The following ZC3H13 variants were observed in gnomAD, a reference collection of about 807,000 sequenced individuals.
The protein encoded by ZC3H13 is zinc finger CCCH-type containing 13, also known as zinc finger CCCH domain-containing protein 13.
A neutral mutation model predicts 204.1 loss-of-function variants in ZC3H13; 64 were observed. That is an observed-to-expected ratio of 0.31 (90% CI 0.26 to 0.39). The LOEUF (loss-of-function observed/expected upper bound fraction) is 0.39, where lower values mean the gene tolerates loss of function less well. Among genes scored for constraint, ZC3H13 ranks in the 10% least tolerant of loss-of-function variants. The pLI is 1.00. For synonymous variants in ZC3H13, 667 were observed against 693.7 expected (o/e 0.96, Z 0.60); for missense variants, 1,833 against 2,082.7 (o/e 0.88, Z 2.33).
chr13:45,955,147 A>G lies in ZC3H13; in HGVS notation c.*1980T>C, dbSNP rs1222367385. 6.6e-6 allele frequency: 1 copy of G among 152,206 alleles called. No homozygotes were observed. Among genetic ancestry groups the G allele is most frequent in the East Asian group, 1.9e-4 (1 of 5,198 alleles). The allele number at this position is 152,206 out of a possible 1,614,324, so 9.4% of individuals were successfully genotyped here. A position where few individuals can be genotyped will look rare whatever the true frequency, so the allele number is the denominator to read the frequency against. ...GACCTTTTAATTGTACTAGCAAACA[A>G]TTTATAGACTGGAAGATTGTTTTTC... On this transcript the variant is annotated 3_prime_UTR_variant, in exon 19 of 19. Coordinates refer to ENST00000679008, the MANE Select transcript of ZC3H13 (RefSeq NM_001330564.2).
chr13:46,018,539 G>A (rs1207889987), intron 5 of ZC3H13, among the ~76,000 whole-genome samples: 1 of 152,052 alleles, frequency 6.6e-6, no homozygotes, highest in Non-Finnish European at 1.5e-5. Context: ...GCAGGAAGGA[G>A]GCCTCTTACA....
intron 8 of ZC3H13, among the ~76,000 whole-genome samples, chr13:45,994,214 GTA>G (rs2040170815): frequency 6.6e-6 from 1 of 152,126 alleles, no homozygotes; most frequent in Non-Finnish European, 1.5e-5. Context: ...TAACAATACA[GTA>G]TATAATACAA....
intron 8 of ZC3H13, among the ~76,000 whole-genome samples, chr13:46,002,699 T>C (rs1486876400): frequency 6.6e-6 from 1 of 152,152 alleles, no homozygotes; most frequent in Non-Finnish European, 1.5e-5. Context: ...ATTCCACTTA[T>C]ATAAGGTATC....
Position 45,968,887 on chromosome 13 carries a change from A to G in ZC3H13, c.3657T>C (p.Asp1219=), listed in dbSNP as rs752405394. The change falls in exon 14 of 19, where the codon GAT becomes GAC. Residue 1219 remains aspartate (D), a synonymous_variant. Coordinates refer to ENST00000679008, the MANE Select transcript of ZC3H13 (RefSeq NM_001330564.2). Reference sequence around the variant, plus strand: ...GTACTCTCTTTCGACCACTTTGGTCATCTCCACTTCGATGGGCTGAATCAT... The same window carrying G: ...GTACTCTCTTTCGACCACTTTGGTCGTCTCCACTTCGATGGGCTGAATCAT... ...PSNDSAHRSG[D]DQSGRKRVLH... 8.8e-5 allele frequency: 142 copies of G among 1,613,988 alleles called. 2 individuals carry two copies. In the South Asian group the frequency reaches 1.5e-3, roughly 17 times the overall value.
At chr13:46,051,407 G>C (rs1025638957) in intron 1 of ZC3H13, among the ~76,000 whole-genome samples, 3 of 152,168 alleles carry the variant, frequency 2.0e-5, no homozygotes, top group African/African-American at 7.2e-5. Context: ...CTAGTCTCTA[G>C]TTGAAACTGT....
intron 4 of ZC3H13, among the ~76,000 whole-genome samples, chr13:46,037,815 G>A (rs1484246558): frequency 1.3e-5 from 2 of 152,106 alleles, no homozygotes; most frequent in Non-Finnish European, 2.9e-5. Flanking sequence ...ATTTAACCCA[G>A]CATATCCAAA....
At chr13:46,032,579 C>G (rs955840997) in intron 4 of ZC3H13, among the ~76,000 whole-genome samples, 30 of 152,194 alleles carry the variant, frequency 2.0e-4, no homozygotes, top group African/African-American at 7.2e-4. Context: ...GGCAACAATG[C>G]AAATGTCATT....
chr13:46,023,416 A>G (rs1263091031), intron 4 of ZC3H13, among the ~76,000 whole-genome samples: 1 of 152,188 alleles, frequency 6.6e-6, no homozygotes, highest in Non-Finnish European at 1.5e-5. Flanking sequence ...CTCTGGAATT[A>G]TGCAAAACAA....
At position 45,985,777 on chromosome 13, in the gene ZC3H13, G is replaced by A. The variant is rs765171449; in HGVS notation, c.1256-16C>T. ...CCCCTAGTATCTGTAATGCAATTTTGGAAATTGACTGTAATTGCTTTTACA... is the reference window on the plus strand; with the variant it reads ...CCCCTAGTATCTGTAATGCAATTTTAGAAATTGACTGTAATTGCTTTTACA... On this transcript the variant is annotated splice_polypyrimidine_tract_variant and intron_variant, in intron 9 of 18. Coordinates refer to ENST00000679008, the MANE Select transcript of ZC3H13 (RefSeq NM_001330564.2). The A allele has an allele frequency of 2.6e-6, 4 of 1,565,886 alleles. No individual in the cohort carries two copies. In the Admixed American group the frequency reaches 8.1e-5, roughly 32 times the overall value.
At chr13:45,974,399 G>A (rs551136073) in intron 12 of ZC3H13, among the ~76,000 whole-genome samples, 1 of 152,302 alleles carries the variant, frequency 6.6e-6, no homozygotes, top group South Asian at 2.1e-4. Context: ...GGAAACTGGA[G>A]AGATGGAAAC....
At chr13:46,023,206 A>T (rs2042327235) in intron 4 of ZC3H13, among the ~76,000 whole-genome samples, 1 of 152,182 alleles carries the variant, frequency 6.6e-6, no homozygotes, top group Non-Finnish European at 1.5e-5. Context: ...ATTTTCCACA[A>T]TATTTGTATA....
intron 1 of ZC3H13, among the ~76,000 whole-genome samples, chr13:46,050,812 C>A (rs931139482): frequency 9.7e-6 from 1 of 103,076 alleles, no homozygotes; most frequent in Non-Finnish European, 1.9e-5. Flanking sequence ...GCAGAAAAAA[C>A]AATTTGTTAA....
At chr13:46,017,660 G>A (rs1326155909) in intron 5 of ZC3H13, among the ~76,000 whole-genome samples, 1 of 151,910 alleles carries the variant, frequency 6.6e-6, no homozygotes, top group Non-Finnish European at 1.5e-5. Flanking sequence ...GTTATTTGGG[G>A]GTTCTGAAAA....
intron 4 of ZC3H13, among the ~76,000 whole-genome samples, chr13:46,041,854 G>A (rs1439578538): frequency 6.6e-6 from 1 of 152,060 alleles, no homozygotes; most frequent in Non-Finnish European, 1.5e-5. Flanking sequence ...ATGGCTGGCT[G>A]AATTCTGAAA....
At chr13:46,019,468 T>A (rs1028688944) in intron 5 of ZC3H13, among the ~76,000 whole-genome samples, 2 of 152,278 alleles carry the variant, frequency 1.3e-5, no homozygotes, top group African/African-American at 4.8e-5. Context: ...TTTAGTTTTG[T>A]CATCTGTAAG....
intron 12 of ZC3H13, among the ~76,000 whole-genome samples, chr13:45,973,809 T>A (rs1952788570): frequency 1.3e-5 from 2 of 152,182 alleles, no homozygotes; most frequent in African/African-American, 4.8e-5. Flanking sequence ...TACCTGTGCC[T>A]CCATGTGTTA....
rs115475613 is a variant in ZC3H13, at chr13:46,050,044, C to T, written c.-10+2360G>A. 8.6e-3 allele frequency among the ~76,000 whole-genome samples: 1,301 copies of T among 152,146 alleles called. 18 individuals are homozygous for T. The highest frequency in any genetic ancestry group is 0.029 in the African/African-American group (1,220 of 41,510). ...GAGTGGCACTAGTGAAAGCCTATTT[C>T]GTTATTTTCCTATTTCTCCTCTCCA... On this transcript the variant is annotated intron_variant, in intron 1 of 18. Coordinates refer to ENST00000679008, the MANE Select transcript of ZC3H13 (RefSeq NM_001330564.2).
chr13:46,004,711 A>G (rs2041008308), intron 7 of ZC3H13, among the ~76,000 whole-genome samples: 1 of 152,152 alleles, frequency 6.6e-6, no homozygotes, highest in Non-Finnish European at 1.5e-5. Flanking sequence ...TACAAATGAA[A>G]TATCAACCAC....
Position 45,969,852 on chromosome 13 carries a change from T to G in ZC3H13, c.2692A>C (p.Arg898=), listed in dbSNP as rs1181230322. ...RWKEEDRKPE[R]KESSRRYEEQ... ...TCGTAGCGCCTTGAACTCTCTTTCCTTTCTGGTTTACGATCCTCCTCTTTC... is the reference window on the plus strand; with the variant it reads ...TCGTAGCGCCTTGAACTCTCTTTCCGTTCTGGTTTACGATCCTCCTCTTTC... The change falls in exon 14 of 19, where the codon AGG becomes CGG. Residue 898 remains arginine, a synonymous_variant. Transcript: ENST00000679008. The G allele has an allele frequency of 6.2e-7, 1 of 1,613,966 alleles. No homozygotes were observed. Among genetic ancestry groups the G allele is most frequent in the South Asian group, 1.1e-5 (1 of 91,078 alleles).
Sources: allele counts gnomAD v4.1 joint callset (sites outside exome capture counted in the v4.1 genomes callset), GRCh38; gene constraint gnomAD v4.1.1; transcripts MANE v1.5; gene names NCBI Gene and HGNC (gene_info 2026-07-23, HGNC 2026-07-21).